The following ITGA4 variants were observed in gnomAD, a reference collection of about 807,000 sequenced individuals.
ITGA4 encodes the protein integrin subunit alpha 4.
ITGA4 carries 63 observed loss-of-function variants against 133.6 expected under a neutral mutation model. The ratio of observed to expected loss-of-function variants is 0.47; its 90% CI spans 0.38 to 0.58. The LOEUF is 0.58. Among genes scored for constraint, ITGA4 ranks in the 20% least tolerant of loss-of-function variants. The pLI, the probability that ITGA4 is intolerant of heterozygous loss-of-function variation, is 0.00. For synonymous variants in ITGA4, 483 were observed against 438.0 expected, an observed-to-expected ratio of 1.10 and a Z score of -1.28; for missense variants, 1,076 against 1,252.7, an observed-to-expected ratio of 0.86 and a Z score of 2.13.
chr2:181,535,319 A>T, intron 27 of ITGA4, 113 bp from the exon 28 acceptor site: 1 of 782,452 alleles, frequency 1.3e-6, no homozygotes, highest in Non-Finnish European at 2.0e-6. Context: ...TGATGTTACA[A>T]GGGATGCAGT....
chr2:181,482,787 G>T, intron 9 of ITGA4, 136 bp downstream of exon 9: 1 of 718,466 alleles, frequency 1.4e-6, no homozygotes, highest in Non-Finnish European at 2.3e-6. Flanking sequence ...CTGTACTGAT[G>T]CTCTAAAAAT....
At chr2:181,498,805 A>C in intron 15 of ITGA4, 28 bp downstream of exon 15, 1 of 1,562,640 alleles carries the variant, frequency 6.4e-7, no homozygotes, top group Non-Finnish European at 8.7e-7. Flanking sequence ...TTATTAATGA[A>C]TATGTGAACT....
At chr2:181,483,485 A>G (rs1238963180) in intron 9 of ITGA4, among the ~76,000 whole-genome samples, 2 of 152,166 alleles carry the variant, frequency 1.3e-5, no homozygotes, top group Admixed American at 6.5e-5. Context: ...TGTTTCAAGA[A>G]AGTATTTGTA....
chr2:181,499,847 A>G (rs2105748490), intron 15 of ITGA4, among the ~76,000 whole-genome samples: 2 of 152,324 alleles, frequency 1.3e-5, no homozygotes, highest in South Asian at 4.1e-4. Context: ...ATCATTTTAA[A>G]GGCAATAAAA....
chr2:181,500,127 T>TA (rs1686239126), intron 15 of ITGA4, among the ~76,000 whole-genome samples: 1 of 152,184 alleles, frequency 6.6e-6, no homozygotes, highest in Non-Finnish European at 1.5e-5. Context: ...TGATAGCACT[T>TA]ACTGCTGGGA....
intron 2 of ITGA4, among the ~76,000 whole-genome samples, chr2:181,467,997 A>G (rs1685460756): frequency 6.6e-6 from 1 of 152,222 alleles, no homozygotes; most frequent in African/African-American, 2.4e-5. Flanking sequence ...TATATGCTGC[A>G]TTGCATGTGC....
chr2:181,509,453 T>C (rs186670225), intron 15 of ITGA4, among the ~76,000 whole-genome samples: 1,967 of 152,220 alleles, frequency 0.013, 22 homozygotes, highest in Admixed American at 0.022. Flanking sequence ...ATTTTTATTT[T>C]TTTTGTGTTT....
Position 181,495,600 on chromosome 2 carries a change from A to G in ITGA4, c.1386-183A>G, listed in dbSNP as rs1686141539. Among the ~76,000 whole-genome samples, 1 of 152,200 alleles carries G rather than the reference A, an allele frequency of 6.6e-6. No individual in the cohort carries two copies. Among genetic ancestry groups the G allele is most frequent in the African/African-American group, 2.4e-5 (1 of 41,454 alleles). ...AGATATAATTAAATCATCAAAGTCA[A>G]TATTTTTAGACATTTAAATAAAAAG... On this transcript the variant is annotated intron_variant, in intron 13 of 27. Transcript: ENST00000397033. This position sits in a 1 kb window ranked among gnomAD's most constrained non-coding sequence, Gnocchi z 4.3.
chr2:181,530,694 G>T, intron 24 of ITGA4, 45 bp downstream of exon 24: 1 of 1,571,794 alleles, frequency 6.4e-7, no homozygotes, highest in Middle Eastern at 1.7e-4. Context: ...TTCCAACAGA[G>T]AAGTGAGACA....
intron 2 of ITGA4, among the ~76,000 whole-genome samples, chr2:181,468,803 G>A (rs910558275): frequency 6.6e-6 from 1 of 152,062 alleles, no homozygotes; most frequent in Non-Finnish European, 1.5e-5. Flanking sequence ...AAAGAGAAAG[G>A]CTTAAAAGGA....
In ITGA4 at chr2:181,470,021, A is replaced by G. The variant is rs193116891; in HGVS notation, c.320-4939A>G. On this transcript the variant is annotated intron_variant, in intron 2 of 27. Coordinates refer to ENST00000397033, the MANE Select transcript of ITGA4 (RefSeq NM_000885.6). ...ATGGCACATGTATACATATGTAACA[A>G]ACCTGCATGTTGTGCACATGTACCC... Among the ~76,000 whole-genome samples the G allele has an allele frequency of 9.5e-3, 1,444 of 152,214 alleles. 25 individuals are homozygous for G. Among genetic ancestry groups the G allele is most frequent in the African/African-American group, 0.032 (1,323 of 41,494 alleles).
chr2:181,463,180 G>A (rs1477165935), intron 2 of ITGA4, among the ~76,000 whole-genome samples: 1 of 152,158 alleles, frequency 6.6e-6, no homozygotes. Flanking sequence ...TTGAGAGCAC[G>A]ATGCTTTTGA....
intron 2 of ITGA4, among the ~76,000 whole-genome samples, chr2:181,470,523 G>A (rs1045487174): frequency 1.3e-5 from 2 of 152,086 alleles, no homozygotes; most frequent in Admixed American, 1.3e-4. Flanking sequence ...CTAAGAGTGG[G>A]GCCCAAGTGG....
chr2:181,473,957 T>A (rs1685615521), intron 2 of ITGA4, among the ~76,000 whole-genome samples: 1 of 152,208 alleles, frequency 6.6e-6, no homozygotes, highest in South Asian at 2.1e-4. Context: ...TAGTGACTAG[T>A]GTTCAAAATT....
chr2:181,460,827 A>G (rs74850478), intron 2 of ITGA4, among the ~76,000 whole-genome samples: 22,527 of 152,174 alleles, frequency 0.15, 2,069 homozygotes, highest in Middle Eastern at 0.24. Context: ...TTAAAAGGTA[A>G]TACATTAAAA....
rs1143675 is a variant in ITGA4 at position 181,529,581 on chromosome 2, T to C, written c.2471T>C (p.Val824Ala). 7.8e-3 allele frequency: 12,588 copies of C among 1,610,580 alleles called. 55 individuals are homozygous for C. Among genetic ancestry groups the C allele is most frequent in the Non-Finnish European group, 9.7e-3 (11,366 of 1,177,034 alleles). Residue 824 changes from valine to alanine, a missense_variant, in exon 23 of 28, where the codon GTG (valine) becomes GCG (alanine). This residue lies in a region of ITGA4 where 365 missense variants were observed against 421.4 expected (regional missense o/e 0.87). Coordinates refer to ENST00000397033, the MANE Select transcript of ITGA4 (RefSeq NM_000885.6). ...TGNSMAPNVSVEIMVPNSFSP... is the reference protein window; with the variant it reads ...TGNSMAPNVSAEIMVPNSFSP... ...AATAGTATGGCTCCCAATGTTAGTG[T>C]GGAAATAATGGTACCAAATTCTTTT...
intron 7 of ITGA4, 42 bp from the exon 8 acceptor site, chr2:181,482,318 T>C: frequency 6.5e-7 from 1 of 1,541,392 alleles, no homozygotes; most frequent in Non-Finnish European, 8.8e-7. Flanking sequence ...TTTTAAAAAA[T>C]GTTATTCCTA....
chr2:181,509,718 C>T lies in ITGA4; in HGVS notation c.1756C>T (p.His586Tyr). 6.2e-7 allele frequency: 1 copy of T among 1,611,640 alleles called. No homozygotes were observed. The highest frequency in any genetic ancestry group is 8.5e-7 in the Non-Finnish European group (1 of 1,178,524). The change falls in exon 16 of 28, where the codon CAT becomes TAT. Residue 586 changes from histidine (H) to tyrosine (Y), a missense_variant. Physicochemically the swap from His to Tyr is moderately conservative, Grantham distance 83. This residue lies in a region of ITGA4 where 365 missense variants were observed against 421.4 expected (regional missense o/e 0.87). Transcript: ENST00000397033. Reference sequence around the variant, plus strand: ...TGAAGCTGCTTACCACCTTGGTCCTCATGTCATCAGTAAACGAAGTACAGA... The same window carrying T: ...TGAAGCTGCTTACCACCTTGGTCCTTATGTCATCAGTAAACGAAGTACAGA... Reference protein sequence around the residue: ...QIEAAYHLGPHVISKRSTEEF... With the variant: ...QIEAAYHLGPYVISKRSTEEF...
rs762176587 is a variant in ITGA4, at chr2:181,457,703, C to G, written c.49C>G (p.Arg17Gly). The change falls in exon 1 of 28, where the codon CGG becomes GGG. Residue 17 changes from arginine to glycine, a missense_variant. Coordinates refer to ENST00000397033, the MANE Select transcript of ITGA4 (RefSeq NM_000885.6). ...ACCCGGCCCCCGAAGGGCCGCCGTC[C>G]GGGAGACGGTGATGCTGTTGCTGTG... ...REPGPRRAAV[R>G]ETVMLLLCLG... 1.9e-6 allele frequency: 3 copies of G among 1,611,962 alleles called. No individual in the cohort carries two copies. The African/African-American group carries it at 4.0e-5, about 22-fold the overall frequency.
Sources: allele counts gnomAD v4.1 joint callset (sites outside exome capture counted in the v4.1 genomes callset), GRCh38; gene constraint gnomAD v4.1.1; regional missense constraint gnomAD v4.1.1; non-coding constraint Gnocchi (gnomAD v3.1); transcripts MANE v1.5; gene names NCBI Gene and HGNC (gene_info 2026-07-23, HGNC 2026-07-21).